RNF150: variants seen among roughly 807,000 people sequenced by gnomAD.
RNF150 encodes ring finger protein 150.
RNF150 carries 24 observed loss-of-function variants against 39.3 expected under a neutral mutation model. The ratio of observed to expected loss-of-function variants is 0.61; its 90% CI spans 0.44 to 0.86. The LOEUF is 0.86. RNF150 is among the 40% of genes least tolerant of loss of function. RNF150 has a pLI of 0.00. For missense variants in RNF150, 502 were observed against 587.8 expected (o/e 0.85, Z 1.51); for synonymous variants, 255 against 227.3 (o/e 1.12, Z -1.10).
At chr4:141,196,091 A>C (rs1418748441) in intron 1 of RNF150, among the ~76,000 whole-genome samples, 2 of 152,160 alleles carry the variant, frequency 1.3e-5, no homozygotes, top group African/African-American at 2.4e-5. Flanking sequence ...AACCCCAAGA[A>C]ACAACAGGTA....
intron 1 of RNF150, among the ~76,000 whole-genome samples, chr4:141,117,237 T>C (rs1193155266): frequency 1.3e-5 from 2 of 152,220 alleles, no homozygotes; most frequent in African/African-American, 4.8e-5. Flanking sequence ...ATTTATAACT[T>C]ACACTAAGAA....
intron 1 of RNF150, among the ~76,000 whole-genome samples, chr4:141,079,322 AG>A (rs1162991253): frequency 1.3e-5 from 2 of 152,222 alleles, no homozygotes; most frequent in Non-Finnish European, 2.9e-5. Flanking sequence ...GAACAATAGT[AG>A]GCCATTAAAA....
At chr4:140,963,389 A>T (rs2111411560) in intron 2 of RNF150, among the ~76,000 whole-genome samples, 1 of 152,136 alleles carries the variant, frequency 6.6e-6, no homozygotes. Context: ...TTCTGTAGTG[A>T]TAAAAATGTC....
intron 2 of RNF150, among the ~76,000 whole-genome samples, chr4:140,967,279 C>CT (rs950085133): frequency 6.6e-6 from 1 of 151,874 alleles, no homozygotes; most frequent in African/African-American, 2.4e-5. Flanking sequence ...TTTTTATCTC[C>CT]TTTTTTTTCT....
At chr4:141,014,115 A>T in intron 1 of RNF150, among the ~76,000 whole-genome samples, 1 of 152,080 alleles carries the variant, frequency 6.6e-6, no homozygotes, top group Admixed American at 6.6e-5. Context: ...GGCTTATTTC[A>T]CTTAGCATCA....
At chr4:140,898,545 T>C (rs935991209) in intron 6 of RNF150, among the ~76,000 whole-genome samples, 12 of 152,276 alleles carry the variant, frequency 7.9e-5, no homozygotes, top group African/African-American at 2.7e-4. Context: ...TATGCATATA[T>C]GAACATGTTA....
intron 6 of RNF150, among the ~76,000 whole-genome samples, chr4:140,883,059 C>CT (rs540518246): frequency 5.3e-5 from 8 of 150,390 alleles, no homozygotes; most frequent in Non-Finnish European, 8.9e-5. Flanking sequence ...CTTTTGTGTA[C>CT]TTTTTTGAGT....
intron 1 of RNF150, among the ~76,000 whole-genome samples, chr4:141,154,930 T>C (rs2111147134): frequency 6.6e-6 from 1 of 152,318 alleles, no homozygotes; most frequent in Non-Finnish European, 1.5e-5. Context: ...ACAGGCATTT[T>C]AGAAATATGC....
intron 1 of RNF150, among the ~76,000 whole-genome samples, chr4:141,020,780 C>G (rs973933969): frequency 6.6e-6 from 1 of 152,114 alleles, no homozygotes; most frequent in Non-Finnish European, 1.5e-5. Flanking sequence ...TCTTCATGAT[C>G]TAAGTTGTTT....
chr4:141,168,892 A>G (rs1222149641), intron 1 of RNF150, among the ~76,000 whole-genome samples: 3 of 152,180 alleles, frequency 2.0e-5, no homozygotes, highest in Non-Finnish European at 1.5e-5. Flanking sequence ...ATGTATACCT[A>G]TGTAACAAAC....
chr4:141,093,193 C>T (rs898507971), intron 1 of RNF150, among the ~76,000 whole-genome samples: 48 of 152,158 alleles, frequency 3.2e-4, no homozygotes, highest in Non-Finnish European at 5.4e-4. Context: ...AGTGAAACCC[C>T]ATCTCTACTA....
At chr4:140,940,518 C>T (rs1235045519) in intron 4 of RNF150, among the ~76,000 whole-genome samples, 1 of 152,016 alleles carries the variant, frequency 6.6e-6, no homozygotes. Flanking sequence ...ACATGGAAAA[C>T]CCATGTTTAT....
chr4:141,162,018 T>C (rs1727521122), intron 1 of RNF150, among the ~76,000 whole-genome samples: 1 of 152,280 alleles, frequency 6.6e-6, no homozygotes, highest in South Asian at 2.1e-4. Flanking sequence ...AATGGGGCAT[T>C]GCCTAGTGGA....
intron 4 of RNF150, among the ~76,000 whole-genome samples, chr4:140,946,756 T>C (rs1286240965): frequency 1.3e-5 from 2 of 152,226 alleles, no homozygotes; most frequent in African/African-American, 2.4e-5. Context: ...TCCTCCTGTC[T>C]TGGACTCCCA....
intron 1 of RNF150, among the ~76,000 whole-genome samples, chr4:141,022,142 AAAT>A (rs1416342929): frequency 3.3e-5 from 5 of 152,198 alleles, no homozygotes; most frequent in Non-Finnish European, 7.3e-5. Context: ...ACACAAGCAA[AAAT>A]GGTCTCTGGG....
chr4:141,095,005 A>C lies in RNF150; in HGVS notation c.484+37320T>G, dbSNP rs187035533. Among the ~76,000 whole-genome samples, 244 of 152,262 alleles carry C rather than the reference A, an allele frequency of 1.6e-3. 1 individual carries two copies. Among genetic ancestry groups the C allele is most frequent in the Non-Finnish European group, 2.2e-3 (153 of 68,016 alleles). On this transcript the variant is annotated intron_variant, in intron 1 of 6. Transcript: ENST00000515673. The stretch of plus-strand genomic sequence containing the variant: ...ACTTAACAACGAGAAAAAAACTATA[A>C]AATTGTAAGTTTCGTTGACCCTATC...
At chr4:141,209,823 T>C (rs1163289841) in intron 1 of RNF150, among the ~76,000 whole-genome samples, 1 of 152,090 alleles carries the variant, frequency 6.6e-6, no homozygotes, top group Non-Finnish European at 1.5e-5. Flanking sequence ...CTGGGCAATA[T>C]AGCAAGACCC....
chr4:141,197,728 A>C (rs1728223212), intron 1 of RNF150, among the ~76,000 whole-genome samples: 1 of 151,936 alleles, frequency 6.6e-6, no homozygotes, highest in Admixed American at 6.6e-5. Context: ...ACTACAAAAA[A>C]TTAGCCATGT....
intron 2 of RNF150, among the ~76,000 whole-genome samples, chr4:140,960,164 G>A (rs568883384): frequency 6.6e-6 from 1 of 152,196 alleles, no homozygotes; most frequent in Admixed American, 6.5e-5. Context: ...TCCAGTAAAT[G>A]CCATGAGAGT....
Sources: allele counts gnomAD v4.1 joint callset (sites outside exome capture counted in the v4.1 genomes callset), GRCh38; gene constraint gnomAD v4.1.1; transcripts MANE v1.5; gene names NCBI Gene and HGNC (gene_info 2026-07-23, HGNC 2026-07-21).